The following CHRNB4 variants were observed in gnomAD, a reference collection of about 807,000 sequenced individuals.
The protein encoded by CHRNB4 is neuronal acetylcholine receptor subunit beta-4.
CHRNB4 carries 23 observed loss-of-function variants against 40.4 expected under a neutral mutation model. That is an observed-to-expected ratio of 0.57 (90% confidence interval 0.41 to 0.81). The LOEUF (loss-of-function observed/expected upper bound fraction) is 0.81, where lower values mean the gene tolerates loss of function less well. Ranked by LOEUF, CHRNB4 falls within the 30% of genes least tolerant of loss-of-function variation. The pLI, the probability that CHRNB4 is intolerant of heterozygous loss-of-function variation, is 0.00. For missense variants in CHRNB4, 568 were observed against 670.6 expected, an observed-to-expected ratio of 0.85 and a Z score of 1.69; for synonymous variants, 285 against 274.4, an observed-to-expected ratio of 1.04 and a Z score of -0.38.
intron 1 of CHRNB4, among the ~76,000 whole-genome samples, chr15:78,637,735 C>T (rs555669002): frequency 6.6e-6 from 1 of 152,344 alleles, no homozygotes; most frequent in Non-Finnish European, 1.5e-5. Flanking sequence ...ACTTCATCCA[C>T]TTTCCAACTC....
At chr15:78,634,475 C>T (rs978527851) in intron 2 of CHRNB4, 2 of 313,976 alleles carry the variant, frequency 6.4e-6, no homozygotes, top group Non-Finnish European at 1.3e-5. Context: ...TCCAGCCCTC[C>T]CCATCCTGGG....
In CHRNB4 at chr15:78,641,157, C is replaced by G; in HGVS notation, c.-24G>C. The stretch of plus-strand genomic sequence containing the variant: ...ATGGCCGGCGGGGCCGGGTGGCAGC[C>G]GCCGCGAGCTCCGCTGTGGGGTCAC... On this transcript the variant is annotated 5_prime_UTR_variant, in exon 1 of 6. Coordinates refer to ENST00000261751, the MANE Select transcript of CHRNB4 (RefSeq NM_000750.5). 1 of 1,539,758 alleles carries G rather than the reference C, an allele frequency of 6.5e-7. No homozygotes were observed.
At chr15:78,642,464 T>C (rs984985013), upstream of CHRNB4, among the ~76,000 whole-genome samples, 6 of 152,100 alleles carry the variant, frequency 3.9e-5, no homozygotes, top group African/African-American at 1.4e-4. Flanking sequence ...CAGTGGCAGG[T>C]CCTTTGGGAT....
intron 6 of CHRNB4, chr15:78,649,512 A>T: frequency 2.4e-6 from 1 of 411,498 alleles, no homozygotes; most frequent in Non-Finnish European, 4.8e-6. Flanking sequence ...CAAAGCAAAG[A>T]CTGCAACAGA....
chr15:78,661,115 C>CTT (rs2054249246), upstream of CHRNB4: 1 of 617,258 alleles, frequency 1.6e-6, no homozygotes, highest in Non-Finnish European at 3.1e-6. Context: ...CGGACGTAGG[C>CTT]TTTGGTGTGG....
At chr15:78,634,833 C>T in intron 2 of CHRNB4, 1 of 453,608 alleles carries the variant, frequency 2.2e-6, no homozygotes, top group Non-Finnish European at 4.4e-6. Context: ...AATTCCCAGG[C>T]ACCTCCTCCC....
intron 5 of CHRNB4, among the ~76,000 whole-genome samples, chr15:78,653,226 T>C (rs948440106): frequency 6.6e-6 from 1 of 152,220 alleles, no homozygotes; most frequent in African/African-American, 2.4e-5. Flanking sequence ...ACTAATGATG[T>C]GTACTTCCAT....
upstream of CHRNB4, among the ~76,000 whole-genome samples, chr15:78,644,636 AC>A (rs1323994527): frequency 6.6e-6 from 1 of 152,256 alleles, no homozygotes; most frequent in East Asian, 1.9e-4. Context: ...TAAGACAAAT[AC>A]AAAAATACTC....
chr15:78,649,770 T>C (rs1006408242), intron 6 of CHRNB4, among the ~76,000 whole-genome samples: 6 of 151,236 alleles, frequency 4.0e-5, no homozygotes, highest in Admixed American at 1.3e-4. Context: ...AGTGATAAAC[T>C]CTAAATTCAG....
intron 5 of CHRNB4, chr15:78,655,420 ATATATC>A (rs1325250182): frequency 4.2e-5 from 6 of 141,854 alleles, no homozygotes; most frequent in East Asian, 3.9e-4. Flanking sequence ...ATATATATCT[ATATATC>A]TATATCTATA....
chr15:78,646,039 G>A (rs545094030), upstream of CHRNB4, among the ~76,000 whole-genome samples: 7 of 142,782 alleles, frequency 4.9e-5, no homozygotes, highest in East Asian at 2.0e-4. Flanking sequence ...CAGCCTGGGC[G>A]ACAGAGTGAG....
At chr15:78,649,971 T>C (rs1219125203) in intron 6 of CHRNB4, among the ~76,000 whole-genome samples, 1 of 152,200 alleles carries the variant, frequency 6.6e-6, no homozygotes, top group Non-Finnish European at 1.5e-5. Context: ...TGGGTTCCTA[T>C]AGATTTATGT....
chr15:78,635,323 C>T, intron 2 of CHRNB4, 116 bp downstream of exon 2: 1 of 1,293,984 alleles, frequency 7.7e-7, no homozygotes, highest in Non-Finnish European at 1.1e-6. Context: ...CTGACACGTA[C>T]TGGTAAGTCT....
chr15:78,648,753 C>CAAAAA, intron 7 of CHRNB4, among the ~76,000 whole-genome samples: 1 of 79,988 alleles, frequency 1.3e-5, no homozygotes, highest in African/African-American at 3.9e-5. Flanking sequence ...GACTCTGTCT[C>CAAAAA]AAAAAAAAAA....
chr15:78,634,736 A>T (rs1156248926), intron 2 of CHRNB4: 5 of 455,872 alleles, frequency 1.1e-5, no homozygotes, highest in Non-Finnish European at 1.8e-5. Flanking sequence ...ACGGAGTTCT[A>T]ACCCTGTGGA....
intron 1 of CHRNB4, among the ~76,000 whole-genome samples, chr15:78,659,504 G>C (rs1244172394): frequency 6.7e-6 from 1 of 148,864 alleles, no homozygotes; most frequent in East Asian, 2.1e-4. Context: ...AAACAAAACA[G>C]AGTGATGTGC....
At chr15:78,659,148 C>T (rs1343902799) in intron 1 of CHRNB4, among the ~76,000 whole-genome samples, 1 of 152,016 alleles carries the variant, frequency 6.6e-6, no homozygotes, top group African/African-American at 2.4e-5. Flanking sequence ...AGAAATAGGG[C>T]CAGGTGAGGG....
intron 1 of CHRNB4, among the ~76,000 whole-genome samples, chr15:78,639,707 C>G (rs1730444030): frequency 6.6e-6 from 1 of 152,104 alleles, no homozygotes; most frequent in Non-Finnish European, 1.5e-5. Flanking sequence ...GGCTTTATTC[C>G]CAGAGATTCT....
chr15:78,653,005 A>G (rs1254043235), intron 5 of CHRNB4, among the ~76,000 whole-genome samples: 1 of 152,150 alleles, frequency 6.6e-6, no homozygotes, highest in African/African-American at 2.4e-5. Context: ...TGCTTTTTCC[A>G]TCTATAAAAA....
Sources: allele counts gnomAD v4.1 joint callset (sites outside exome capture counted in the v4.1 genomes callset), GRCh38; gene constraint gnomAD v4.1.1; transcripts MANE v1.5; gene names NCBI Gene and HGNC (gene_info 2026-07-23, HGNC 2026-07-21).